Variants in HEXIM2 observed in about 807,000 individuals in gnomAD.
HEXIM2 encodes the protein protein HEXIM2.
For missense variants in HEXIM2, 413 were observed against 390.8 expected, an observed-to-expected ratio of 1.06 and a Z score of -0.48; for synonymous variants, 159 against 162.7, an observed-to-expected ratio of 0.98 and a Z score of 0.17.
intron 3 of HEXIM2, among the ~76,000 whole-genome samples, chr17:45,165,657 C>T (rs772710138): frequency 3.9e-5 from 6 of 152,058 alleles, no homozygotes; most frequent in Non-Finnish European, 7.4e-5. Flanking sequence ...GGAGGCTGAC[C>T]CTCCCTCTCT....
chr17:45,169,781 G>A lies in HEXIM2; in HGVS notation c.833G>A (p.Cys278Tyr), dbSNP rs1270701212. The change falls in exon 4 of 4, where the codon TGC becomes TAC. Residue 278 changes from cysteine (C) to tyrosine (Y), a missense_variant. Physicochemically the swap from Cys to Tyr is radical, Grantham distance 194. Coordinates refer to ENST00000589230, the MANE Select transcript of HEXIM2 (RefSeq NM_001303441.2). ...AACCAGATGTGGAACCGAGAGGGCTGCCGCTGTGATGAGGAGCCGGGTACC... is the reference window on the plus strand; with the variant it reads ...AACCAGATGTGGAACCGAGAGGGCTACCGCTGTGATGAGGAGCCGGGTACC... ...QENQMWNREG[C>Y]RCDEEPGT is the part of the protein sequence containing the mutation. 1.4e-6 allele frequency: 2 copies of A among 1,450,316 alleles called. No individual in the cohort carries two copies. Among genetic ancestry groups the A allele is most frequent in the Non-Finnish European group, 1.8e-6 (2 of 1,102,706 alleles). The allele number at this position is 1,450,316 out of a possible 1,614,324, so 89.8% of individuals were successfully genotyped here.
intron 3 of HEXIM2, among the ~76,000 whole-genome samples, chr17:45,163,681 T>G (rs1386141349): frequency 1.3e-5 from 2 of 151,862 alleles, no homozygotes; most frequent in Non-Finnish European, 2.9e-5. Flanking sequence ...AAACCTCATC[T>G]CTACTAAAAA....
intron 3 of HEXIM2, among the ~76,000 whole-genome samples, chr17:45,168,209 C>T (rs1315039721): frequency 6.8e-6 from 1 of 148,058 alleles, no homozygotes; most frequent in African/African-American, 2.5e-5. Flanking sequence ...AGGCCTTGCG[C>T]GGTGGCTCAC....
chr17:45,167,889 C>A (rs964891753), intron 3 of HEXIM2, among the ~76,000 whole-genome samples: 1 of 149,552 alleles, frequency 6.7e-6, no homozygotes, highest in African/African-American at 2.5e-5. Flanking sequence ...AGCCACCTCG[C>A]CCGGCCTGTT....
At chr17:45,168,939 C>A in intron 3 of HEXIM2, 76 bp from the exon 4 acceptor site, 2 of 1,369,784 alleles carry the variant, frequency 1.5e-6, no homozygotes, top group African/African-American at 2.9e-5. Flanking sequence ...AGGCTTCAGG[C>A]TAGGTAGAGA....
At chr17:45,167,874 G>A (rs2144082007) in intron 3 of HEXIM2, among the ~76,000 whole-genome samples, 1 of 151,364 alleles carries the variant, frequency 6.6e-6, no homozygotes, top group Non-Finnish European at 1.5e-5. Flanking sequence ...GGGATTACAG[G>A]TGTGAGCCAC....
At chr17:45,160,672 T>C (rs896298427), upstream of HEXIM2, 1 of 350,608 alleles carries the variant, frequency 2.9e-6, no homozygotes, top group Non-Finnish European at 5.7e-6. Context: ...ATCCCTTCGG[T>C]GTAAACTTTC....
In HEXIM2 at chr17:45,162,754, C is replaced by G. The variant is rs1296434923; in HGVS notation, c.-40C>G. On this transcript the variant is annotated 5_prime_UTR_variant, in exon 3 of 4. Coordinates refer to ENST00000589230, the MANE Select transcript of HEXIM2 (RefSeq NM_001303441.2). ...TTCTGTTGTTGTTCAAAGCAGGTGTCACTAGTTCCAGGCGTCTGCTGAAAG... is the reference window on the plus strand; with the variant it reads ...TTCTGTTGTTGTTCAAAGCAGGTGTGACTAGTTCCAGGCGTCTGCTGAAAG... The G allele has an allele frequency of 3.7e-6, 6 of 1,613,542 alleles. No individual in the cohort carries two copies. Among genetic ancestry groups the G allele is most frequent in the Non-Finnish European group, 5.1e-6 (6 of 1,179,788 alleles).
In HEXIM2 at chr17:45,170,010, A is replaced by C; in HGVS notation, c.*201A>C. ...TGTGTCATCTTACCCTTTACAGAGA[A>C]ATTAAATGGCCTTGGTGGGACCAAA... On this transcript the variant is annotated 3_prime_UTR_variant, in exon 4 of 4. Transcript: ENST00000589230. 2.2e-6 allele frequency: 1 copy of C among 459,638 alleles called. No individual in the cohort carries two copies. Among genetic ancestry groups the C allele is most frequent in the Non-Finnish European group, 3.8e-6 (1 of 264,938 alleles). 28.5% of individuals were successfully genotyped at this position (459,638 alleles called of 1,614,324 possible).
At chr17:45,162,109 T>C (rs2042714747) in intron 1 of HEXIM2, 78 bp downstream of exon 1, 1 of 711,628 alleles carries the variant, frequency 1.4e-6, no homozygotes, top group South Asian at 6.3e-5. Flanking sequence ...CCTAGTTGGG[T>C]TTCCCTCCCA....
chr17:45,161,193 G>A (rs1210123146), upstream of HEXIM2: 5 of 358,752 alleles, frequency 1.4e-5, no homozygotes, highest in Non-Finnish European at 2.2e-5. Flanking sequence ...TGGAAAGACC[G>A]CAGAGGGAAG....
chr17:45,169,656 G>A lies in HEXIM2; in HGVS notation c.708G>A (p.Gln236=). 1.3e-6 allele frequency: 2 copies of A among 1,534,848 alleles called. No homozygotes were observed. Among genetic ancestry groups the A allele is most frequent in the South Asian group, 2.4e-5 (2 of 83,078 alleles). Residue 236 remains glutamine, a synonymous_variant, in exon 4 of 4, where the codon CAG becomes CAA. Coordinates refer to ENST00000589230, the MANE Select transcript of HEXIM2 (RefSeq NM_001303441.2). The part of the protein sequence containing the change: ...QAEEETRRLQ[Q]LQACTGQQSC... ...AGGAGGAGACTAGGAGGCTGCAGCAGCTGCAGGCGTGCACCGGCCAGCAGT... is the reference window on the plus strand; with the variant it reads ...AGGAGGAGACTAGGAGGCTGCAGCAACTGCAGGCGTGCACCGGCCAGCAGT...
rs2042975465 is a variant in HEXIM2, at chr17:45,169,684, T to A, written c.736T>A (p.Cys246Ser). 1 of 1,530,836 alleles carries A rather than the reference T, an allele frequency of 6.5e-7. No individual in the cohort carries two copies. Among genetic ancestry groups the A allele is most frequent in the Non-Finnish European group, 8.8e-7 (1 of 1,135,866 alleles). The allele number at this position is 1,530,836 out of a possible 1,614,324, so 94.8% of individuals were successfully genotyped here. Reference protein sequence around the residue: ...QLQACTGQQSCRQVEELAAEV... With the variant: ...QLQACTGQQSSRQVEELAAEV... ...GCAGGCGTGCACCGGCCAGCAGTCC[T>A]GCCGCCAGGTGGAGGAGCTGGCTGC... is the stretch of plus-strand genomic sequence containing the variant. The change falls in exon 4 of 4, where the codon TGC (cysteine) becomes AGC (serine). Residue 246 changes from cysteine to serine, a missense_variant. Cys to Ser is a moderately radical substitution (Grantham distance 112, BLOSUM62 -1). Transcript: ENST00000589230.
intron 3 of HEXIM2, among the ~76,000 whole-genome samples, chr17:45,167,689 C>T (rs761622736): frequency 2.0e-5 from 3 of 150,588 alleles, no homozygotes; most frequent in Non-Finnish European, 3.0e-5. Context: ...TGCAGTGGCG[C>T]GATCTCAGCT....
chr17:45,162,767 C>T lies in HEXIM2; in HGVS notation c.-27C>T, dbSNP rs140000325. The T allele has an allele frequency of 2.1e-4, 340 of 1,613,726 alleles. 6 individuals carry two copies. The East Asian group carries it at 7.5e-3, about 35-fold the overall frequency. ...CAAAGCAGGTGTCACTAGTTCCAGGCGTCTGCTGAAAGATTTGGAACAGAA... is the reference window on the plus strand; with the variant it reads ...CAAAGCAGGTGTCACTAGTTCCAGGTGTCTGCTGAAAGATTTGGAACAGAA... On this transcript the variant is annotated 5_prime_UTR_variant, in exon 3 of 4. Coordinates refer to ENST00000589230, the MANE Select transcript of HEXIM2 (RefSeq NM_001303441.2).
upstream of HEXIM2, chr17:45,161,464 G>A (rs760311609): frequency 6.1e-6 from 1 of 163,544 alleles, no homozygotes; most frequent in East Asian, 1.7e-4. Flanking sequence ...CTCTCACTGC[G>A]CAGCGAGTCC....
At chr17:45,166,648 G>A (rs2042849701) in intron 3 of HEXIM2, among the ~76,000 whole-genome samples, 2 of 152,154 alleles carry the variant, frequency 1.3e-5, no homozygotes, top group African/African-American at 2.4e-5. Context: ...CACTAGGGAG[G>A]CGAGATGGGG....
intron 3 of HEXIM2, among the ~76,000 whole-genome samples, chr17:45,167,548 T>C (rs2042891111): frequency 6.6e-6 from 1 of 152,194 alleles, no homozygotes; most frequent in Non-Finnish European, 1.5e-5. Flanking sequence ...CAGGGAGTTA[T>C]TATTGCACCT....
In HEXIM2 at chr17:45,170,004, C is replaced by T; in HGVS notation, c.*195C>T. On this transcript the variant is annotated 3_prime_UTR_variant, in exon 4 of 4. Coordinates refer to ENST00000589230, the MANE Select transcript of HEXIM2 (RefSeq NM_001303441.2). The stretch of plus-strand genomic sequence containing the variant: ...CTCTTTTGTGTCATCTTACCCTTTA[C>T]AGAGAAATTAAATGGCCTTGGTGGG... The T allele has an allele frequency of 2.1e-6, 1 of 468,796 alleles. No homozygotes were observed. Among genetic ancestry groups the T allele is most frequent in the Non-Finnish European group, 3.7e-6 (1 of 271,036 alleles). 29.0% of individuals were successfully genotyped at this position (468,796 alleles called of 1,614,324 possible).
Sources: gnomAD v4.1 joint callset for allele counts (sites outside exome capture counted in the v4.1 genomes callset) on GRCh38, gnomAD v4.1.1 for gene constraint, MANE v1.5 for transcripts, NCBI Gene and HGNC (gene_info 2026-07-23, HGNC 2026-07-21) for gene names.